ELMO1: variants seen among roughly 807,000 people sequenced by gnomAD.
The protein encoded by ELMO1 is engulfment and cell motility 1.
ELMO1 carries 26 observed loss-of-function variants against 98.9 expected under a neutral mutation model. The ratio of observed to expected loss-of-function variants is 0.26; its 90% CI spans 0.19 to 0.36. The LOEUF (loss-of-function observed/expected upper bound fraction) is 0.36. Ranked by LOEUF, ELMO1 falls within the 10% of genes least tolerant of loss-of-function variation. The pLI is 1.00. For synonymous variants in ELMO1, 346 were observed against 346.0 expected (o/e 1.00, Z 0.00); for missense variants, 627 against 935.2 (o/e 0.67, Z 4.30).
intron 13 of ELMO1, among the ~76,000 whole-genome samples, chr7:37,175,013 A>T (rs180902949): frequency 6.6e-6 from 1 of 152,308 alleles, no homozygotes. Flanking sequence ...GTAAAAAATC[A>T]ATGGCGAAGT....
chr7:37,383,846 G>C (rs59245288), intron 1 of ELMO1, among the ~76,000 whole-genome samples: 3 of 151,634 alleles, frequency 2.0e-5, no homozygotes, highest in African/African-American at 7.3e-5. Context: ...GATGGAGTTT[G>C]GCTCTGTTGC....
At position 37,135,345 on chromosome 7, in the gene ELMO1, G is replaced by A. The variant is rs548547191; in HGVS notation, c.1087-2111C>T. ...ATGAACTTTTGTTCCAAGAACAACCGCAGGAACATACCAGGAAAGCTGAGA... is the reference window on the plus strand; with the variant it reads ...ATGAACTTTTGTTCCAAGAACAACCACAGGAACATACCAGGAAAGCTGAGA... On this transcript the variant is annotated intron_variant, in intron 13 of 21. Transcript: ENST00000310758. 1.1e-4 allele frequency among the ~76,000 whole-genome samples: 17 copies of A among 152,258 alleles called. No homozygotes were observed. In the East Asian group the frequency reaches 1.5e-3, roughly 14 times the overall value.
intron 13 of ELMO1, among the ~76,000 whole-genome samples, chr7:37,164,455 G>A (rs920399175): frequency 2.6e-5 from 4 of 152,134 alleles, no homozygotes; most frequent in African/African-American, 9.7e-5. Context: ...TTCTTCTAGG[G>A]TTTTTATGGT....
At chr7:37,325,819 A>C (rs1273256842) in intron 2 of ELMO1, among the ~76,000 whole-genome samples, 1 of 152,228 alleles carries the variant, frequency 6.6e-6, no homozygotes, top group Non-Finnish European at 1.5e-5. Context: ...CCACTGAGAG[A>C]GGATAGCATG....
intron 18 of ELMO1, among the ~76,000 whole-genome samples, chr7:36,887,044 G>A (rs566798862): frequency 6.2e-4 from 94 of 152,308 alleles, no homozygotes; most frequent in African/African-American, 2.1e-3. Flanking sequence ...TTAAAAGGAA[G>A]GGTCCTGGAG....
chr7:37,280,308 C>A (rs1462041982), intron 4 of ELMO1, among the ~76,000 whole-genome samples: 2 of 152,142 alleles, frequency 1.3e-5, no homozygotes, highest in Non-Finnish European at 2.9e-5. Flanking sequence ...ATTTCATGAC[C>A]AAGAAGCCAA....
chr7:36,875,508 C>G (rs1197615937), intron 19 of ELMO1, among the ~76,000 whole-genome samples: 2 of 152,216 alleles, frequency 1.3e-5, no homozygotes, highest in Admixed American at 1.3e-4. Flanking sequence ...TGGAGCAGCT[C>G]TTTGGAACTT....
chr7:37,151,586 T>C (rs932037982), intron 13 of ELMO1, among the ~76,000 whole-genome samples: 1 of 152,170 alleles, frequency 6.6e-6, no homozygotes, highest in African/African-American at 2.4e-5. Context: ...AATGTTATCA[T>C]ATGATTCAAC....
At chr7:37,304,588 C>T (rs1046218504) in intron 4 of ELMO1, among the ~76,000 whole-genome samples, 2 of 152,030 alleles carry the variant, frequency 1.3e-5, no homozygotes, top group Admixed American at 6.6e-5. Context: ...TGGTGGCGTG[C>T]GCCTGTAATC....
At chr7:37,359,498 C>A (rs918822131) in intron 1 of ELMO1, among the ~76,000 whole-genome samples, 1 of 152,168 alleles carries the variant, frequency 6.6e-6, no homozygotes, top group Non-Finnish European at 1.5e-5. Context: ...TACCCTGTGC[C>A]AGGTACCCTA....
At chr7:37,434,708 C>T (rs531281610) in intron 1 of ELMO1, among the ~76,000 whole-genome samples, 14 of 152,202 alleles carry the variant, frequency 9.2e-5, no homozygotes, top group African/African-American at 1.4e-4. Context: ...GTCTAATCCA[C>T]GCTGGAGTGC....
intron 13 of ELMO1, among the ~76,000 whole-genome samples, chr7:37,138,300 A>AT (rs1390966625): frequency 2.0e-5 from 3 of 151,080 alleles, no homozygotes; most frequent in Admixed American, 2.0e-4. Context: ...TGAAAAGATA[A>AT]AAAAAAAAAG....
chr7:37,168,653 T>G (rs961361038), intron 13 of ELMO1, among the ~76,000 whole-genome samples: 2 of 151,998 alleles, frequency 1.3e-5, no homozygotes, highest in East Asian at 3.9e-4. Context: ...AGAACAGCGG[T>G]TTTTCGTGAA....
intron 16 of ELMO1, among the ~76,000 whole-genome samples, chr7:36,933,827 T>C (rs888120585): frequency 6.6e-6 from 1 of 152,204 alleles, no homozygotes; most frequent in Non-Finnish European, 1.5e-5. Context: ...TCTGTGATCT[T>C]CAATGTTCAA....
chr7:37,324,511 T>G (rs1799692855), intron 2 of ELMO1, among the ~76,000 whole-genome samples: 1 of 152,190 alleles, frequency 6.6e-6, no homozygotes, highest in African/African-American at 2.4e-5. Flanking sequence ...AGAAAAGGTT[T>G]TAGAATGATG....
intron 1 of ELMO1, among the ~76,000 whole-genome samples, chr7:37,390,212 G>A (rs1466654415): frequency 3.9e-5 from 6 of 152,328 alleles, no homozygotes; most frequent in South Asian, 2.1e-4. Flanking sequence ...TGCAGCTGTC[G>A]CTATGAGCAT....
At chr7:37,244,464 G>C in intron 6 of ELMO1, 73 bp from the exon 7 acceptor site, 1 of 1,498,100 alleles carries the variant, frequency 6.7e-7, no homozygotes, top group Non-Finnish European at 9.2e-7. Flanking sequence ...AACATATCTT[G>C]AAGAAAACTC....
chr7:36,967,950 G>A (rs1410249964), intron 16 of ELMO1, among the ~76,000 whole-genome samples: 1 of 151,936 alleles, frequency 6.6e-6, no homozygotes, highest in Non-Finnish European at 1.5e-5. Context: ...CTTCCATTAT[G>A]TTTATATTAA....
chr7:37,376,071 C>A, intron 1 of ELMO1: 1 of 360,850 alleles, frequency 2.8e-6, no homozygotes, highest in Non-Finnish European at 5.3e-6. Flanking sequence ...GCCAAAAAAA[C>A]TTTAAAAAAA....
Sources: allele counts gnomAD v4.1 joint callset (sites outside exome capture counted in the v4.1 genomes callset), GRCh38; gene constraint gnomAD v4.1.1; transcripts MANE v1.5; gene names NCBI Gene and HGNC (gene_info 2026-07-23, HGNC 2026-07-21).